The following DYNC1I1 variants were observed in gnomAD, a reference collection of about 807,000 sequenced individuals.
DYNC1I1 encodes cytoplasmic dynein 1 intermediate chain 1.
A neutral mutation model predicts 86.6 loss-of-function variants in DYNC1I1; 43 were observed. The observed-to-expected ratio is 0.50, with a 90% CI of 0.39 to 0.64. The LOEUF (loss-of-function observed/expected upper bound fraction) is 0.64, where lower values mean the gene tolerates loss of function less well. DYNC1I1 is among the 30% of genes least tolerant of loss of function. DYNC1I1 has a pLI of 0.00. For missense variants in DYNC1I1, 604 were observed against 788.8 expected (o/e 0.77, Z 2.81); for synonymous variants, 262 against 283.7 (o/e 0.92, Z 0.77).
intron 5 of DYNC1I1, among the ~76,000 whole-genome samples, chr7:95,835,567 T>A (rs1789059466): frequency 6.6e-6 from 1 of 151,430 alleles, no homozygotes; most frequent in Admixed American, 6.6e-5. Context: ...ATGTTGACAG[T>A]GGGGTGTTAA....
Position 95,880,036 on chromosome 7 carries a change from A to G in DYNC1I1, c.490+10038A>G, listed in dbSNP as rs73710540. ...TGGAAGAAGTAGTAAGTCCAGTTTT[A>G]CTTTTACAGTAACTTATAATTGTCA... On this transcript the variant is annotated intron_variant, in intron 6 of 16. Transcript: ENST00000447467. Among the ~76,000 whole-genome samples, 945 of 152,292 alleles carry G rather than the reference A, an allele frequency of 6.2e-3. 8 individuals are homozygous for G. The highest frequency in any genetic ancestry group is 0.021 in the African/African-American group (882 of 41,550).
intron 1 of DYNC1I1, among the ~76,000 whole-genome samples, chr7:95,774,892 TTTG>T (rs1336363801): frequency 1.3e-5 from 2 of 152,226 alleles, no homozygotes. Flanking sequence ...CTCCAGTTTC[TTTG>T]TTGTTTAACG....
At chr7:95,957,458 C>T (rs1792747099) in intron 6 of DYNC1I1, among the ~76,000 whole-genome samples, 1 of 152,082 alleles carries the variant, frequency 6.6e-6, no homozygotes, top group Admixed American at 6.6e-5. Context: ...CCTCCTCCTG[C>T]TGCTGCTGCT....
At chr7:95,850,516 T>C (rs1279714791) in intron 5 of DYNC1I1, among the ~76,000 whole-genome samples, 1 of 152,196 alleles carries the variant, frequency 6.6e-6, no homozygotes, top group Non-Finnish European at 1.5e-5. Flanking sequence ...GGAGGATATG[T>C]TTCAAGACTG....
rs529718368 is a variant in DYNC1I1 at position 96,082,501 on chromosome 7, A to T, written c.1776+2013A>T. Among the ~76,000 whole-genome samples the T allele has an allele frequency of 5.9e-5, 9 of 152,260 alleles. No homozygotes were observed. The South Asian group carries it at 1.9e-3, about 32-fold the overall frequency. ...CTTAACTCACTTAAGATTGTATACAATATTATTTTATCCCTCTTTGTTGTA... is the reference window on the plus strand; with the variant it reads ...CTTAACTCACTTAAGATTGTATACATTATTATTTTATCCCTCTTTGTTGTA... On this transcript the variant is annotated intron_variant, in intron 16 of 16. Transcript: ENST00000447467.
chr7:95,872,304 T>C (rs1790193875), intron 6 of DYNC1I1, among the ~76,000 whole-genome samples: 1 of 152,230 alleles, frequency 6.6e-6, no homozygotes, highest in African/African-American at 2.4e-5. Context: ...CATTTGAAGC[T>C]CTGGCATATA....
At chr7:96,056,700 CTATA>C (rs1195818992) in intron 14 of DYNC1I1, among the ~76,000 whole-genome samples, 1 of 151,838 alleles carries the variant, frequency 6.6e-6, no homozygotes, top group African/African-American at 2.4e-5. Flanking sequence ...ATATCTATAT[CTATA>C]TATAGTATAT....
intron 1 of DYNC1I1, among the ~76,000 whole-genome samples, chr7:95,777,922 A>G (rs1479513629): frequency 6.6e-6 from 1 of 152,184 alleles, no homozygotes; most frequent in Non-Finnish European, 1.5e-5. Context: ...TTAAGGTTAC[A>G]TCTAATGCTT....
In DYNC1I1 at chr7:95,863,591, G is replaced by A. The variant is rs144120659; in HGVS notation, c.375-6292G>A. ...TGCTTCTCCGTGCCTTTCATAACCAGCTCCCCATCCAGTCCTTGACATGTC... is the reference window on the plus strand; with the variant it reads ...TGCTTCTCCGTGCCTTTCATAACCAACTCCCCATCCAGTCCTTGACATGTC... On this transcript the variant is annotated intron_variant, in intron 5 of 16. Coordinates refer to ENST00000447467, the MANE Select transcript of DYNC1I1 (RefSeq NM_001135556.2). Among the ~76,000 whole-genome samples, 819 of 152,186 alleles carry A rather than the reference G, an allele frequency of 5.4e-3. 7 individuals are homozygous for A. The highest frequency in any genetic ancestry group is 0.019 in the African/African-American group (789 of 41,508).
intron 2 of DYNC1I1, among the ~76,000 whole-genome samples, chr7:95,807,565 A>T (rs951584667): frequency 6.6e-6 from 1 of 152,054 alleles, no homozygotes; most frequent in African/African-American, 2.4e-5. Context: ...CTGCTTACAT[A>T]TACCCTGATG....
chr7:96,009,520 C>T (rs933015524), intron 10 of DYNC1I1, among the ~76,000 whole-genome samples: 4 of 152,194 alleles, frequency 2.6e-5, no homozygotes, highest in African/African-American at 9.6e-5. Flanking sequence ...AAATGATTCT[C>T]TCCCCCAAAG....
chr7:95,862,753 A>T (rs993789506), intron 5 of DYNC1I1, among the ~76,000 whole-genome samples: 1 of 152,198 alleles, frequency 6.6e-6, no homozygotes, highest in African/African-American at 2.4e-5. Flanking sequence ...GTGTACAGCC[A>T]TCTCTCCATA....
At chr7:95,812,314 C>T (rs549833725) in intron 3 of DYNC1I1, among the ~76,000 whole-genome samples, 78 of 152,278 alleles carry the variant, frequency 5.1e-4, no homozygotes, top group Non-Finnish European at 1.0e-3. Context: ...ATTGAGAACC[C>T]GTTGAATTGC....
At chr7:96,103,124 G>A (rs371140860), downstream of DYNC1I1, among the ~76,000 whole-genome samples, 393 of 152,292 alleles carry the variant, frequency 2.6e-3, no homozygotes, top group South Asian at 7.0e-3. Flanking sequence ...GCTTGCATAC[G>A]TGGCCATGTG....
At chr7:95,793,662 G>A (rs1317229706) in intron 1 of DYNC1I1, among the ~76,000 whole-genome samples, 2 of 152,190 alleles carry the variant, frequency 1.3e-5, no homozygotes, top group African/African-American at 4.8e-5. Flanking sequence ...ATGCTTATTT[G>A]AACTCTATTT....
At chr7:95,910,807 G>A (rs979589394) in intron 6 of DYNC1I1, among the ~76,000 whole-genome samples, 2 of 152,216 alleles carry the variant, frequency 1.3e-5, no homozygotes, top group African/African-American at 2.4e-5. Context: ...TCACAGGGTT[G>A]TTTTGAAAAT....
chr7:96,016,048 T>G (rs1794393234), intron 10 of DYNC1I1, among the ~76,000 whole-genome samples: 1 of 152,122 alleles, frequency 6.6e-6, no homozygotes, highest in African/African-American at 2.4e-5. Flanking sequence ...AAGACAAATC[T>G]TCACTAAGAC....
intron 5 of DYNC1I1, among the ~76,000 whole-genome samples, chr7:95,862,981 G>A (rs559856076): frequency 6.6e-6 from 1 of 152,170 alleles, no homozygotes; most frequent in East Asian, 1.9e-4. Context: ...TAAAAATTGT[G>A]ATATTGTTTA....
intron 6 of DYNC1I1, among the ~76,000 whole-genome samples, chr7:95,890,177 A>T (rs1032073264): frequency 2.0e-5 from 3 of 152,250 alleles, no homozygotes; most frequent in Admixed American, 6.5e-5. Context: ...ATATGGAATC[A>T]ACCTCAATGC....
Sources: allele counts gnomAD v4.1 joint callset (sites outside exome capture counted in the v4.1 genomes callset), GRCh38; gene constraint gnomAD v4.1.1; transcripts MANE v1.5; gene names NCBI Gene and HGNC (gene_info 2026-07-23, HGNC 2026-07-21).